Variants in DLGAP2 observed in about 807,000 individuals in gnomAD.
DLGAP2 encodes disks large-associated protein 2.
DLGAP2 carries 26 observed loss-of-function variants against 100.3 expected under a neutral mutation model. The ratio of observed to expected loss-of-function variants is 0.26; its 90% CI spans 0.19 to 0.36. The LOEUF (loss-of-function observed/expected upper bound fraction) is 0.36, where lower values mean the gene tolerates loss of function less well. Ranked by LOEUF, DLGAP2 falls within the 10% of genes least tolerant of loss-of-function variation. The pLI is 1.00. For synonymous variants in DLGAP2, 886 were observed against 630.1 expected (o/e 1.41, Z -6.08); for missense variants, 1,858 against 1,453.2 (o/e 1.28, Z -4.53).
chr8:1,081,348 G>A (rs137870034), intron 2 of DLGAP2, among the ~76,000 whole-genome samples: 48 of 152,276 alleles, frequency 3.2e-4, no homozygotes, highest in African/African-American at 1.1e-3. Context: ...ACATAAGAAA[G>A]GTTTTAAGAG....
At chr8:1,290,823 G>A (rs1206620695) in intron 3 of DLGAP2, among the ~76,000 whole-genome samples, 1 of 152,188 alleles carries the variant, frequency 6.6e-6, no homozygotes, top group Non-Finnish European at 1.5e-5. Context: ...TACTGTGTAA[G>A]GTGGTGTTTT....
At chr8:908,218 C>T (rs1174136922) in intron 2 of DLGAP2, among the ~76,000 whole-genome samples, 1 of 152,048 alleles carries the variant, frequency 6.6e-6, no homozygotes, top group Non-Finnish European at 1.5e-5. Flanking sequence ...TGATTGTTGT[C>T]CTGGGTTTTT....
chr8:1,274,478 T>C (rs1243608838), intron 3 of DLGAP2, among the ~76,000 whole-genome samples: 5 of 147,266 alleles, frequency 3.4e-5, no homozygotes, highest in African/African-American at 1.2e-4. Context: ...TTTTAGAACA[T>C]AAACCATAAA....
At chr8:1,146,861 C>T (rs915853102) in intron 2 of DLGAP2, among the ~76,000 whole-genome samples, 9 of 152,208 alleles carry the variant, frequency 5.9e-5, no homozygotes, top group Non-Finnish European at 1.5e-5. Context: ...AACCATTGAT[C>T]TCTTTGTCAA....
Position 1,705,823 on chromosome 8 carries a change from G to C in DLGAP2, c.*4417G>C, listed in dbSNP as rs1178934421. 6.6e-6 allele frequency: 1 copy of C among 152,136 alleles called. No individual in the cohort carries two copies. The highest frequency in any genetic ancestry group is 1.5e-5 in the Non-Finnish European group (1 of 68,032). 9.4% of individuals were successfully genotyped at this position (152,136 alleles called of 1,614,324 possible). On this transcript the variant is annotated 3_prime_UTR_variant, in exon 15 of 15. Coordinates refer to ENST00000637795, the MANE Select transcript of DLGAP2 (RefSeq NM_001346810.2). ...TTCTCTTGTTTTGATCTGCATGTCT[G>C]TTTACACTTCTCTGTAGGCGTGGGT...
At chr8:1,535,026 C>T (rs778929141) in intron 4 of DLGAP2, among the ~76,000 whole-genome samples, 1 of 152,378 alleles carries the variant, frequency 6.6e-6, no homozygotes, top group Non-Finnish European at 1.5e-5. Flanking sequence ...GCGTTCATTT[C>T]ATTAAGCTCT....
chr8:912,196 T>C (rs1026621677), intron 2 of DLGAP2, among the ~76,000 whole-genome samples: 6 of 152,202 alleles, frequency 3.9e-5, no homozygotes, highest in Non-Finnish European at 8.8e-5. Context: ...AAGAAGTGAA[T>C]AATGAAACCT....
intron 3 of DLGAP2, among the ~76,000 whole-genome samples, chr8:1,495,391 C>T (rs1584954273): frequency 1.3e-5 from 2 of 152,318 alleles, no homozygotes; most frequent in East Asian, 3.9e-4. Flanking sequence ...CGGCCACACA[C>T]CCCAGGGCCC....
intron 3 of DLGAP2, among the ~76,000 whole-genome samples, chr8:1,353,897 A>G (rs377685767): frequency 2.6e-5 from 4 of 152,266 alleles, no homozygotes; most frequent in South Asian, 4.1e-4. Context: ...GGGGAAAAAA[A>G]TCAGCGAAGG....
intron 3 of DLGAP2, among the ~76,000 whole-genome samples, chr8:1,286,067 T>C (rs1346664044): frequency 6.6e-6 from 1 of 152,224 alleles, no homozygotes; most frequent in Non-Finnish European, 1.5e-5. Context: ...CACCTTGAGT[T>C]GTAGTAATCG....
At chr8:921,251 G>A (rs1284554971) in intron 2 of DLGAP2, among the ~76,000 whole-genome samples, 1 of 152,074 alleles carries the variant, frequency 6.6e-6, no homozygotes, top group East Asian at 1.9e-4. Context: ...GATTTCCGTG[G>A]CGCACACTTT....
chr8:886,265 C>G (rs1206277910), intron 1 of DLGAP2, among the ~76,000 whole-genome samples: 1 of 152,012 alleles, frequency 6.6e-6, no homozygotes, highest in African/African-American at 2.4e-5. Flanking sequence ...ATTCTTCTCT[C>G]TCTTTTTCTT....
intron 1 of DLGAP2, among the ~76,000 whole-genome samples, chr8:777,464 G>T (rs1289391929): frequency 3.3e-5 from 5 of 152,002 alleles, no homozygotes; most frequent in Non-Finnish European, 7.4e-5. Flanking sequence ...TTTACATTTT[G>T]GCATGATTTT....
At chr8:817,922 G>A (rs2132680969) in intron 1 of DLGAP2, among the ~76,000 whole-genome samples, 1 of 152,320 alleles carries the variant, frequency 6.6e-6, no homozygotes, top group South Asian at 2.1e-4. Flanking sequence ...TGTTTAGTGT[G>A]ATGGTTGGCC....
intron 3 of DLGAP2, among the ~76,000 whole-genome samples, chr8:1,286,878 A>G (rs1799932705): frequency 6.6e-6 from 1 of 152,268 alleles, no homozygotes; most frequent in Non-Finnish European, 1.5e-5. Flanking sequence ...TTCGAGGAGA[A>G]AACCAATTCT....
At chr8:765,024 T>G (rs552749330) in intron 1 of DLGAP2, among the ~76,000 whole-genome samples, 25 of 152,318 alleles carry the variant, frequency 1.6e-4, no homozygotes, top group Admixed American at 6.5e-4. Flanking sequence ...TGAGCAAATT[T>G]TATTGAAAAG....
At chr8:864,312 C>T (rs191268949) in intron 1 of DLGAP2, among the ~76,000 whole-genome samples, 14 of 151,932 alleles carry the variant, frequency 9.2e-5, no homozygotes, top group Admixed American at 6.6e-4. Context: ...ACGGTATGTC[C>T]CAAAATAGAA....
intron 1 of DLGAP2, among the ~76,000 whole-genome samples, chr8:901,792 C>G (rs1798257067): frequency 6.6e-6 from 1 of 152,226 alleles, no homozygotes; most frequent in South Asian, 2.1e-4. Context: ...TGAACCCTCC[C>G]AGGCTCATCA....
At chr8:1,629,329 G>A (rs1797587018) in intron 7 of DLGAP2, among the ~76,000 whole-genome samples, 1 of 152,118 alleles carries the variant, frequency 6.6e-6, no homozygotes, top group South Asian at 2.1e-4. Flanking sequence ...GAATTGCATT[G>A]ACTCTTTTTC....
Sources: allele counts gnomAD v4.1 joint callset (sites outside exome capture counted in the v4.1 genomes callset), GRCh38; gene constraint gnomAD v4.1.1; transcripts MANE v1.5; gene names NCBI Gene and HGNC (gene_info 2026-07-23, HGNC 2026-07-21).